Variants in SLC10A6 observed in about 807,000 individuals in gnomAD.
SLC10A6 encodes sodium-dependent organic anion transporter.
In SLC10A6, 27 loss-of-function variants were observed where a neutral mutation model predicts 30.0. That is an observed-to-expected ratio of 0.90 (90% CI 0.66 to 1.24). The LOEUF (loss-of-function observed/expected upper bound fraction) is 1.24, where lower values mean the gene tolerates loss of function less well. SLC10A6 is among the 50% of genes most tolerant of loss of function. SLC10A6 has a pLI of 0.00. For synonymous variants in SLC10A6, 166 were observed against 173.8 expected, an observed-to-expected ratio of 0.95 and a Z score of 0.36; for missense variants, 439 against 457.0, an observed-to-expected ratio of 0.96 and a Z score of 0.36.
chr4:86,827,936 G>A, intron 4 of SLC10A6, 57 bp downstream of exon 4: 1 of 1,521,540 alleles, frequency 6.6e-7, no homozygotes, highest in Non-Finnish European at 9.0e-7. Context: ...AAGCCTACCA[G>A]TGGCAGTGTG....
intron 1 of SLC10A6, among the ~76,000 whole-genome samples, chr4:86,834,017 C>T (rs752024386): frequency 3.9e-5 from 6 of 152,140 alleles, no homozygotes; most frequent in Non-Finnish European, 7.3e-5. Context: ...ACATTTTCGA[C>T]GTTTGATAAT....
intron 1 of SLC10A6, among the ~76,000 whole-genome samples, chr4:86,838,839 C>T (rs1341798791): frequency 6.9e-6 from 1 of 145,274 alleles, no homozygotes; most frequent in Non-Finnish European, 1.5e-5. Context: ...AGGAGAATTG[C>T]TTGAGCCTGG....
chr4:86,845,356 C>A (rs570936822), intron 1 of SLC10A6, among the ~76,000 whole-genome samples: 76 of 152,248 alleles, frequency 5.0e-4, no homozygotes, highest in African/African-American at 1.6e-3. Context: ...TGACTAAAAA[C>A]CATTGTTCTT....
At chr4:86,835,722 AAAG>A (rs1746171126) in intron 1 of SLC10A6, among the ~76,000 whole-genome samples, 1 of 144,064 alleles carries the variant, frequency 6.9e-6, no homozygotes, top group African/African-American at 2.8e-5. Context: ...AAAAGAAAGA[AAAG>A]GAGAAGAAAG....
chr4:86,845,749 G>A (rs1746381842), intron 1 of SLC10A6, among the ~76,000 whole-genome samples: 1 of 152,168 alleles, frequency 6.6e-6, no homozygotes, highest in African/African-American at 2.4e-5. Context: ...CAAGAGGAAG[G>A]GCTACAGGGC....
At chr4:86,837,275 G>C (rs1425820721) in intron 1 of SLC10A6, among the ~76,000 whole-genome samples, 1 of 109,252 alleles carries the variant, frequency 9.2e-6, no homozygotes, top group Non-Finnish European at 1.8e-5. Flanking sequence ...AAGAAAGAAA[G>C]AAAGAAAGAA....
At position 86,837,281 on chromosome 4, in the gene SLC10A6, A is replaced by AAGAGAGAG. The variant is rs1273692050; in HGVS notation, c.378-3858_378-3857insCTCTCTCT. Reference sequence around the variant, plus strand: ...AAAGAAAGAAAGAAAGAAAGAAAGAAAGAAAAAGAAAGGAAGGAAGGAAGG... The same window carrying AAGAGAGAG: ...AAAGAAAGAAAGAAAGAAAGAAAGAAAGAGAGAGAGAAAAAGAAAGGAAGGAAGGAAGG... On this transcript the variant is annotated intron_variant, in intron 1 of 5. Coordinates refer to ENST00000273905, the MANE Select transcript of SLC10A6 (RefSeq NM_197965.3). Among the ~76,000 whole-genome samples the AAGAGAGAG allele has an allele frequency of 3.3e-5, 3 of 90,400 alleles. 1 individual carries two copies. Among genetic ancestry groups the AAGAGAGAG allele is most frequent in the African/African-American group, 1.5e-4 (3 of 19,788 alleles). 59.3% of individuals were successfully genotyped at this position (90,400 alleles called of 152,430 possible).
At chr4:86,836,174 T>A (rs184489429) in intron 1 of SLC10A6, among the ~76,000 whole-genome samples, 1 of 152,330 alleles carries the variant, frequency 6.6e-6, no homozygotes, top group African/African-American at 2.4e-5. Context: ...GAAAACTGGT[T>A]TGTTTATCTC....
chr4:86,834,797 G>A (rs534630113), intron 1 of SLC10A6, among the ~76,000 whole-genome samples: 1 of 152,094 alleles, frequency 6.6e-6, no homozygotes, highest in Non-Finnish European at 1.5e-5. Context: ...GTTCCAGCAT[G>A]TGCTCCTGGT....
At chr4:86,848,198 G>A (rs571379450) in intron 1 of SLC10A6, among the ~76,000 whole-genome samples, 2 of 152,202 alleles carry the variant, frequency 1.3e-5, no homozygotes, top group South Asian at 2.1e-4. Context: ...AAGTCAAATC[G>A]ACAAGCCATC....
At position 86,825,544 on chromosome 4, in the gene SLC10A6, C is replaced by G; in HGVS notation, c.795G>C (p.Gln265His). The change falls in exon 5 of 6, where the codon CAG (glutamine) becomes CAC (histidine). Residue 265 changes from glutamine to histidine, a missense_variant. Gln to His is a conservative substitution (Grantham distance 24). Transcript: ENST00000273905. ...CRTISLETGA[Q>H]NIQMCITMLQ... ...GCATGGTGATGCACATCTGAATATT[C>G]TGAGCTCCAGTTTCTAAGGAAATTG... The G allele has an allele frequency of 1.2e-6, 2 of 1,608,340 alleles. No homozygotes were observed. Among genetic ancestry groups the G allele is most frequent in the East Asian group, 2.2e-5 (1 of 44,682 alleles).
chr4:86,833,207 C>CA (rs1049829039), intron 2 of SLC10A6, 99 bp downstream of exon 2: 83 of 952,408 alleles, frequency 8.7e-5, no homozygotes, highest in Non-Finnish European at 1.2e-4. Flanking sequence ...TAAGTACTAC[C>CA]AAAAAAATCC....
intron 1 of SLC10A6, among the ~76,000 whole-genome samples, chr4:86,834,646 C>T (rs1322626905): frequency 6.6e-6 from 1 of 152,060 alleles, no homozygotes; most frequent in Non-Finnish European, 1.5e-5. Flanking sequence ...TATTGATCTG[C>T]AGTTTTCTTT....
At chr4:86,838,146 C>T (rs562627973) in intron 1 of SLC10A6, among the ~76,000 whole-genome samples, 4 of 152,348 alleles carry the variant, frequency 2.6e-5, no homozygotes, top group Admixed American at 2.6e-4. Context: ...CCTCTGTGCT[C>T]TCACTCATTG....
chr4:86,829,868 T>A (rs1323545121), intron 3 of SLC10A6, among the ~76,000 whole-genome samples: 1 of 152,138 alleles, frequency 6.6e-6, no homozygotes, highest in East Asian at 1.9e-4. Context: ...AAAACTGACA[T>A]GTAAAAAAAT....
At chr4:86,833,499 C>G in intron 1 of SLC10A6, 75 bp from the exon 2 acceptor site, 1 of 1,063,516 alleles carries the variant, frequency 9.4e-7, no homozygotes, top group South Asian at 1.4e-5. Context: ...AAAAGCAACT[C>G]CTAGGACACA....
Position 86,841,694 on chromosome 4 carries a change from C to T in SLC10A6, c.377+7045G>A, listed in dbSNP as rs143451063. ...TTACATTAAAATGCAGTGTCAATAACATTTTGCAATTGGAGATTAAGTTAT... is the reference window on the plus strand; with the variant it reads ...TTACATTAAAATGCAGTGTCAATAATATTTTGCAATTGGAGATTAAGTTAT... On this transcript the variant is annotated intron_variant, in intron 1 of 5. Transcript: ENST00000273905. 7.2e-5 allele frequency among the ~76,000 whole-genome samples: 11 copies of T among 152,300 alleles called. No homozygotes were observed. The Middle Eastern group carries it at 0.01, about 141-fold the overall frequency.
At chr4:86,836,482 C>A (rs1746187147) in intron 1 of SLC10A6, among the ~76,000 whole-genome samples, 1 of 152,106 alleles carries the variant, frequency 6.6e-6, no homozygotes, top group Admixed American at 6.5e-5. Flanking sequence ...TAAGAGGACT[C>A]CACCAAGGAA....
intron 3 of SLC10A6, among the ~76,000 whole-genome samples, chr4:86,829,933 A>G (rs1746052029): frequency 6.6e-6 from 1 of 152,248 alleles, no homozygotes; most frequent in Admixed American, 6.5e-5. Context: ...GGAAAACTCC[A>G]AAAGCATTAT....
Sources: allele counts gnomAD v4.1 joint callset (sites outside exome capture counted in the v4.1 genomes callset), GRCh38; gene constraint gnomAD v4.1.1; transcripts MANE v1.5; gene names NCBI Gene and HGNC (gene_info 2026-07-23, HGNC 2026-07-21).